The following SLC66A2 variants were observed in gnomAD, a reference collection of about 807,000 sequenced individuals.
SLC66A2 encodes PQ loop repeat containing 1.
SLC66A2 carries 23 observed loss-of-function variants against 25.5 expected under a neutral mutation model. That is an observed-to-expected ratio of 0.90 (90% CI 0.65 to 1.28). SLC66A2 has a LOEUF of 1.28. Among genes scored for constraint, SLC66A2 ranks in the 50% most tolerant of loss-of-function variants. SLC66A2 has a pLI of 0.00. For missense variants in SLC66A2, 396 were observed against 373.1 expected, an observed-to-expected ratio of 1.06 and a Z score of -0.51; for synonymous variants, 193 against 166.5, an observed-to-expected ratio of 1.16 and a Z score of -1.23.
Position 79,943,327 on chromosome 18 carries a change from A to C in SLC66A2, c.337+2T>G. 1 of 1,613,522 alleles carries C rather than the reference A, an allele frequency of 6.2e-7. No homozygotes were observed. The highest frequency in any genetic ancestry group is 2.2e-5 in the East Asian group (1 of 44,862). On this transcript the variant is annotated splice_donor_variant, in intron 3 of 5. Coordinates refer to ENST00000397778, the MANE Select transcript of SLC66A2 (RefSeq NM_025078.5). LOFTEE classifies it high-confidence loss of function. ...CTTTATTCCGAAGCGCCGGCCACCA[A>C]CCTGTAAAGGAGCGGCGCCTGGCGT...
intron 3 of SLC66A2, chr18:79,935,552 C>T (rs1986995087): frequency 6.6e-6 from 1 of 152,242 alleles, no homozygotes; most frequent in African/African-American, 2.4e-5. Context: ...GTCTTCTCCC[C>T]TTGATCATGG....
At chr18:79,947,596 CT>C (rs369545865) in intron 2 of SLC66A2, among the ~76,000 whole-genome samples, 159 of 143,248 alleles carry the variant, frequency 1.1e-3, no homozygotes, top group Middle Eastern at 3.5e-3. Context: ...CCTCTGCTCT[CT>C]GCCCCCACCC....
intron 3 of SLC66A2, among the ~76,000 whole-genome samples, chr18:79,938,995 A>G (rs1386616780): frequency 6.6e-6 from 1 of 152,206 alleles, no homozygotes; most frequent in Non-Finnish European, 1.5e-5. Flanking sequence ...TTTACTTTAT[A>G]TTCTGTCTTC....
chr18:79,934,888 G>A (rs1188001043), intron 3 of SLC66A2, among the ~76,000 whole-genome samples: 2 of 152,184 alleles, frequency 1.3e-5, no homozygotes, highest in Non-Finnish European at 2.9e-5. Flanking sequence ...TCTGACCTCT[G>A]CCCTCTGCTA....
chr18:79,911,885 G>T (rs1908685243), intron 5 of SLC66A2, among the ~76,000 whole-genome samples: 1 of 115,570 alleles, frequency 8.7e-6, no homozygotes, highest in South Asian at 3.6e-4. Context: ...GCAGGGAGGG[G>T]ACAGGAGCAG....
At chr18:79,914,933 TCA>T (rs1276873357) in intron 5 of SLC66A2, among the ~76,000 whole-genome samples, 3 of 152,200 alleles carry the variant, frequency 2.0e-5, no homozygotes, top group African/African-American at 7.2e-5. Context: ...CCTCCAGAAT[TCA>T]CACTCGGGTG....
In SLC66A2 at chr18:79,916,261, C is replaced by T. The variant is rs878969385; in HGVS notation, c.608+2923G>A. On this transcript the variant is annotated intron_variant, in intron 5 of 5. Transcript: ENST00000397778. ...CGTACCCGTGGTGCTCTCATAGCCG[C>T]AGTGCTCCCGTACCCGTGGTGCTCC... is the stretch of plus-strand genomic sequence containing the variant. Among the ~76,000 whole-genome samples, 116 of 42,902 alleles carry T rather than the reference C, an allele frequency of 2.7e-3. 7 individuals carry two copies. The highest frequency in any genetic ancestry group is 0.01 in the South Asian group (8 of 800). The allele number at this position is 42,902 out of a possible 152,430, so 28.1% of individuals were successfully genotyped here.
intron 5 of SLC66A2, among the ~76,000 whole-genome samples, chr18:79,907,355 T>TG (rs1982281670): frequency 1.6e-4 from 1 of 6,126 alleles, no homozygotes; most frequent in African/African-American, 1.9e-4. Context: ...TTTTGGTTGT[T>TG]TTTTTTTTTT....
At chr18:79,938,823 T>C (rs1987368468) in intron 3 of SLC66A2, among the ~76,000 whole-genome samples, 1 of 152,194 alleles carries the variant, frequency 6.6e-6, no homozygotes, top group African/African-American at 2.4e-5. Flanking sequence ...ATTACAGGCA[T>C]GCGCCACCAC....
intron 2 of SLC66A2, chr18:79,949,829 G>A (rs1051043386): frequency 6.6e-6 from 1 of 152,182 alleles, no homozygotes; most frequent in African/African-American, 2.4e-5. Flanking sequence ...AATCTGCCCG[G>A]ACAGAGAGGC....
rs1987238865 is a variant in SLC66A2 at position 79,937,672 on chromosome 18, A to G, written c.338-3650T>C. Among the ~76,000 whole-genome samples the G allele has an allele frequency of 6.6e-6, 1 of 152,154 alleles. No homozygotes were observed. Among genetic ancestry groups the G allele is most frequent in the Non-Finnish European group, 1.5e-5 (1 of 68,024 alleles). On this transcript the variant is annotated intron_variant, in intron 3 of 5. Coordinates refer to ENST00000397778, the MANE Select transcript of SLC66A2 (RefSeq NM_025078.5). This position sits in a 1 kb window ranked among gnomAD's most constrained non-coding sequence, Gnocchi z 5.4. The stretch of plus-strand genomic sequence containing the variant: ...GACCACACGCACCTCCGACGGAACG[A>G]CGCAACCATCCTGCGAAACACAAGA...
chr18:79,915,121 T>C (rs1399505745), intron 5 of SLC66A2, among the ~76,000 whole-genome samples: 1 of 152,188 alleles, frequency 6.6e-6, no homozygotes, highest in Admixed American at 6.5e-5. Flanking sequence ...ACCCCAGACT[T>C]TGCCTGGCTG....
intron 4 of SLC66A2, among the ~76,000 whole-genome samples, chr18:79,930,784 G>A (rs1028017006): frequency 6.6e-6 from 1 of 152,066 alleles, no homozygotes; most frequent in East Asian, 1.9e-4. Flanking sequence ...GGTAAATAAG[G>A]TTAATATAAT....
intron 2 of SLC66A2, chr18:79,943,847 C>T (rs964326971): frequency 5.3e-5 from 11 of 208,044 alleles, no homozygotes; most frequent in East Asian, 1.6e-4. Flanking sequence ...GAACCTGCAG[C>T]GGGAGAGACC....
chr18:79,948,402 T>G (rs146467898), intron 2 of SLC66A2, among the ~76,000 whole-genome samples: 1 of 152,374 alleles, frequency 6.6e-6, no homozygotes, highest in African/African-American at 2.4e-5. Flanking sequence ...TTGGCCAGAC[T>G]GGAGGACAGC....
Position 79,909,838 on chromosome 18 carries a change from C to T in SLC66A2, c.609-5655G>A, listed in dbSNP as rs192349893. Among the ~76,000 whole-genome samples the T allele has an allele frequency of 1.1e-3, 147 of 133,160 alleles. 4 individuals are homozygous for T. The highest frequency in any genetic ancestry group is 3.9e-3 in the African/African-American group (135 of 34,326). The allele number at this position is 133,160 out of a possible 152,430, so 87.4% of individuals were successfully genotyped here. On this transcript the variant is annotated intron_variant, in intron 5 of 5. Transcript: ENST00000397778. ...TCCCCAACCTTCCCCACCACCTCAC[C>T]AGAGTCCCCAGGCTTCCCCACCATC...
At chr18:79,951,158 G>T (rs895251755) in intron 1 of SLC66A2, 133 bp from the exon 2 acceptor site, 2 of 224,970 alleles carry the variant, frequency 8.9e-6, no homozygotes, top group Non-Finnish European at 1.7e-5. Context: ...CGCGCGAGGA[G>T]CGGCCCCTGC....
At chr18:79,945,325 G>A (rs1489472513) in intron 2 of SLC66A2, 1 of 152,450 alleles carries the variant, frequency 6.6e-6, no homozygotes, top group Non-Finnish European at 1.5e-5. Flanking sequence ...AGGGAGCAGA[G>A]GGAAGGGCAG....
In SLC66A2 at chr18:79,941,292, G is replaced by C. The variant is rs1409468713; in HGVS notation, c.337+2037C>G. On this transcript the variant is annotated intron_variant, in intron 3 of 5. Transcript: ENST00000397778. The surrounding 1 kb of genome is among the most constrained non-coding windows in gnomAD (Gnocchi z 4.1). ...GCTCCAGCACCTGACCATCTCCTCTGCGGCCCTTGTTCACGTCTGAGGACC... is the reference window on the plus strand; with the variant it reads ...GCTCCAGCACCTGACCATCTCCTCTCCGGCCCTTGTTCACGTCTGAGGACC... Among the ~76,000 whole-genome samples the C allele has an allele frequency of 6.6e-6, 1 of 152,130 alleles. No homozygotes were observed. Among genetic ancestry groups the C allele is most frequent in the Non-Finnish European group, 1.5e-5 (1 of 68,022 alleles).
Sources: allele counts gnomAD v4.1 joint callset (sites outside exome capture counted in the v4.1 genomes callset), GRCh38; gene constraint gnomAD v4.1.1; non-coding constraint Gnocchi (gnomAD v3.1); transcripts MANE v1.5; gene names NCBI Gene and HGNC (gene_info 2026-07-23, HGNC 2026-07-21).